The following CNTN5 variants were observed in gnomAD, a reference collection of about 807,000 sequenced individuals.
The protein encoded by CNTN5 is contactin 5, also known as contactin-5.
A neutral mutation model predicts 129.1 loss-of-function variants in CNTN5; 77 were observed. The ratio of observed to expected loss-of-function variants is 0.60; its 90% CI spans 0.50 to 0.72. The LOEUF is 0.72. Ranked by LOEUF, CNTN5 falls within the 30% of genes least tolerant of loss-of-function variation. The pLI is 0.00. For missense variants in CNTN5, 1,478 were observed against 1,328.8 expected (o/e 1.11, Z -1.75); for synonymous variants, 509 against 465.6 (o/e 1.09, Z -1.20).
chr11:99,168,927 T>C (rs1324559120), intron 1 of CNTN5, among the ~76,000 whole-genome samples: 5 of 152,220 alleles, frequency 3.3e-5, no homozygotes, highest in Admixed American at 1.3e-4. Flanking sequence ...GCTTTTAACC[T>C]TTGTGGAAGT....
At chr11:99,549,934 T>G (rs1211667688) in intron 2 of CNTN5, among the ~76,000 whole-genome samples, 1 of 152,186 alleles carries the variant, frequency 6.6e-6, no homozygotes, top group Non-Finnish European at 1.5e-5. Flanking sequence ...TCTTATATTT[T>G]AAATAAAATT....
chr11:100,011,285 A>G (rs192634750), intron 9 of CNTN5, among the ~76,000 whole-genome samples: 117 of 152,290 alleles, frequency 7.7e-4, no homozygotes, highest in African/African-American at 2.3e-3. Flanking sequence ...CAACAGAAAC[A>G]GAAGTAAAAT....
intron 16 of CNTN5, 87 bp from the exon 17 acceptor site, chr11:100,255,673 T>C (rs1710099202): frequency 2.6e-6 from 3 of 1,146,496 alleles, no homozygotes; most frequent in Non-Finnish European, 3.8e-6. Flanking sequence ...ATTACATAGT[T>C]GGATGTGCTA....
At position 99,091,231 on chromosome 11, in the gene CNTN5, C is replaced by T. The variant is rs17132970; in HGVS notation, c.-210+69961C>T. On this transcript the variant is annotated intron_variant, in intron 1 of 24. Transcript: ENST00000524871. Reference sequence around the variant, plus strand: ...TGTTACTATAACTTTGGTCATTTTCCCCTTTGCTCTAGGATTAGCAATTAC... The same window carrying T: ...TGTTACTATAACTTTGGTCATTTTCTCCTTTGCTCTAGGATTAGCAATTAC... Among the ~76,000 whole-genome samples, 910 of 152,158 alleles carry T rather than the reference C, an allele frequency of 6.0e-3. 5 individuals carry two copies. The highest frequency in any genetic ancestry group is 0.02 in the African/African-American group (844 of 41,492).
chr11:99,526,793 G>C (rs1467981498), intron 2 of CNTN5, among the ~76,000 whole-genome samples: 1 of 152,150 alleles, frequency 6.6e-6, no homozygotes, highest in Non-Finnish European at 1.5e-5. Context: ...GTTTTCATTT[G>C]AGAGTGAACT....
chr11:99,878,642 G>T (rs1274924017), intron 6 of CNTN5, among the ~76,000 whole-genome samples: 2 of 152,116 alleles, frequency 1.3e-5, no homozygotes, highest in Non-Finnish European at 2.9e-5. Flanking sequence ...CGGATCACGA[G>T]GTCAAGAGAT....
At chr11:99,077,511 C>T (rs1865626373) in intron 1 of CNTN5, among the ~76,000 whole-genome samples, 2 of 152,230 alleles carry the variant, frequency 1.3e-5, no homozygotes, top group South Asian at 4.2e-4. Flanking sequence ...TCTGAGATTT[C>T]TTACGGAGAT....
At chr11:99,558,661 C>T (rs1312881200) in intron 3 of CNTN5, among the ~76,000 whole-genome samples, 1 of 152,064 alleles carries the variant, frequency 6.6e-6, no homozygotes, top group African/African-American at 2.4e-5. Flanking sequence ...TCCATGATCC[C>T]TAGATTTCCA....
At chr11:99,297,394 G>T (rs1864437004) in intron 1 of CNTN5, among the ~76,000 whole-genome samples, 2 of 152,140 alleles carry the variant, frequency 1.3e-5, no homozygotes, top group African/African-American at 4.8e-5. Flanking sequence ...CAGCGATCCT[G>T]TACATCCCTA....
chr11:100,042,415 A>G (rs1399937767), intron 9 of CNTN5, among the ~76,000 whole-genome samples: 1 of 152,154 alleles, frequency 6.6e-6, no homozygotes, highest in Non-Finnish European at 1.5e-5. Flanking sequence ...ATAACTGTAT[A>G]TATTTTCACA....
intron 3 of CNTN5, among the ~76,000 whole-genome samples, chr11:99,589,540 T>G (rs1475197370): frequency 1.3e-5 from 2 of 152,178 alleles, no homozygotes; most frequent in African/African-American, 2.4e-5. Flanking sequence ...GAATCAAAGG[T>G]GATCTTGGGA....
chr11:100,093,223 G>A (rs1944864432), intron 13 of CNTN5, among the ~76,000 whole-genome samples: 1 of 151,986 alleles, frequency 6.6e-6, no homozygotes, highest in South Asian at 2.1e-4. Context: ...TTTCTCTCGG[G>A]TGTTCTCTAT....
chr11:99,229,936 A>G (rs1860902041), intron 1 of CNTN5, among the ~76,000 whole-genome samples: 1 of 152,050 alleles, frequency 6.6e-6, no homozygotes, highest in East Asian at 1.9e-4. Context: ...TTGCACATTA[A>G]TGGAAAAATA....
At chr11:100,249,520 A>G (rs1565371235) in intron 16 of CNTN5, among the ~76,000 whole-genome samples, 1 of 152,198 alleles carries the variant, frequency 6.6e-6, no homozygotes, top group East Asian at 1.9e-4. Flanking sequence ...ATTGTCCCTG[A>G]GGAGGAAAAA....
At chr11:99,240,142 G>A (rs1193953982) in intron 1 of CNTN5, among the ~76,000 whole-genome samples, 1 of 152,042 alleles carries the variant, frequency 6.6e-6, no homozygotes, top group Non-Finnish European at 1.5e-5. Context: ...CAGATTCCTA[G>A]TCTTTTACAT....
At chr11:99,291,178 TCTAGTGA>T (rs1864156050) in intron 1 of CNTN5, among the ~76,000 whole-genome samples, 1 of 151,968 alleles carries the variant, frequency 6.6e-6, no homozygotes, top group Non-Finnish European at 1.5e-5. Context: ...GAAAACATTT[TCTAGTGA>T]GGCCATATTT....
chr11:99,720,916 T>G (rs1269392778), intron 3 of CNTN5, among the ~76,000 whole-genome samples: 1 of 151,970 alleles, frequency 6.6e-6, no homozygotes, highest in Non-Finnish European at 1.5e-5. Flanking sequence ...ACAAAAAGAA[T>G]GAAATACTTA....
At chr11:99,953,368 T>C (rs1365176729) in intron 7 of CNTN5, among the ~76,000 whole-genome samples, 7 of 152,238 alleles carry the variant, frequency 4.6e-5, no homozygotes, top group Non-Finnish European at 1.0e-4. Flanking sequence ...CCCTAAAATC[T>C]GGACATTCAA....
intron 2 of CNTN5, among the ~76,000 whole-genome samples, chr11:99,496,176 T>C (rs1206569619): frequency 6.6e-6 from 1 of 152,208 alleles, no homozygotes; most frequent in Admixed American, 6.5e-5. Context: ...ATCATGCATC[T>C]ATTTTTGATA....
Sources: gnomAD v4.1 joint callset for allele counts (sites outside exome capture counted in the v4.1 genomes callset) on GRCh38, gnomAD v4.1.1 for gene constraint, MANE v1.5 for transcripts, NCBI Gene and HGNC (gene_info 2026-07-23, HGNC 2026-07-21) for gene names.